The following PES1 variants were observed in gnomAD, a reference collection of about 807,000 sequenced individuals.
PES1 encodes pescadillo ribosomal biogenesis factor 1.
Under a neutral mutation model 77.1 loss-of-function variants are expected in PES1, and 31 were observed. The observed-to-expected ratio is 0.40, with a 90% CI of 0.30 to 0.54. The LOEUF (loss-of-function observed/expected upper bound fraction) is 0.54, where lower values mean the gene tolerates loss of function less well. Ranked by LOEUF, PES1 falls within the 20% of genes least tolerant of loss-of-function variation. PES1 has a pLI of 0.45. For missense variants in PES1, 658 were observed against 771.7 expected (o/e 0.85, Z 1.75); for synonymous variants, 282 against 303.0 (o/e 0.93, Z 0.72).
At chr22:30,592,636 A>G (rs527936967), upstream of PES1, among the ~76,000 whole-genome samples, 18 of 152,266 alleles carry the variant, frequency 1.2e-4, no homozygotes, top group South Asian at 1.9e-3. Flanking sequence ...GTCTCTGCTA[A>G]AAATACAAAA....
chr22:30,579,741 T>C lies in PES1; in HGVS notation c.1354+10A>G, dbSNP rs535526212. ...AGGGGTCAAGGCCAGCCCAGTCCCA[T>C]CCCGCTCACCTGGGTCCTCTCCCCG... On this transcript the variant is annotated intron_variant, in intron 12 of 14. Coordinates refer to ENST00000354694, the MANE Select transcript of PES1 (RefSeq NM_014303.4). 7 of 1,613,128 alleles carry C rather than the reference T, an allele frequency of 4.3e-6. No individual in the cohort carries two copies. The highest frequency in any genetic ancestry group is 1.3e-5 in the African/African-American group (1 of 74,982).
At chr22:30,589,120 A>G (rs2087137460) in intron 2 of PES1, 71 bp downstream of exon 2, 1 of 1,133,882 alleles carries the variant, frequency 8.8e-7, no homozygotes, top group Non-Finnish European at 1.3e-6. Flanking sequence ...AACTCAGGTA[A>G]GACAGGGATG....
chr22:30,578,893 G>T lies in PES1; in HGVS notation c.1627C>A (p.Arg543=). ...KRLAIMMMKK[R]EKYLYQKIMF... is the part of the protein sequence containing the mutation. ...ATCTTCTGGTACAGGTACTTCTCCC[G>T]CTTCTTCATCATCATAATGGCCAGG... The change falls in exon 14 of 15, where the codon CGG becomes AGG. Residue 543 remains arginine, a synonymous_variant. Coordinates refer to ENST00000354694, the MANE Select transcript of PES1 (RefSeq NM_014303.4). 1 of 1,613,062 alleles carries T rather than the reference G, an allele frequency of 6.2e-7. No homozygotes were observed.
chr22:30,591,901 T>G lies in PES1; in HGVS notation c.-68A>C. The G allele has an allele frequency of 2.0e-6, 3 of 1,520,310 alleles. No homozygotes were observed. The highest frequency in any genetic ancestry group is 2.6e-6 in the Non-Finnish European group (3 of 1,136,188). 94.2% of individuals were successfully genotyped at this position (1,520,310 alleles called of 1,614,324 possible). On this transcript the variant is annotated 5_prime_UTR_variant, in exon 1 of 15. Transcript: ENST00000354694. ...GCTCCACTTCCTCCCGCACGTGCCCTGCCAAGGACCCCGAGGACCCTCCCC... is the reference window on the plus strand; with the variant it reads ...GCTCCACTTCCTCCCGCACGTGCCCGGCCAAGGACCCCGAGGACCCTCCCC...
rs1480097050 is a variant in PES1 at position 30,581,275 on chromosome 22, G to A, written c.822+59C>T. On this transcript the variant is annotated intron_variant, in intron 8 of 14. Coordinates refer to ENST00000354694, the MANE Select transcript of PES1 (RefSeq NM_014303.4). ...CACTCTGAACCAGACCCCCAGAGGT[G>A]TTGGGGACAGAGACCACTCCCTTGG... 7 of 1,549,444 alleles carry A rather than the reference G, an allele frequency of 4.5e-6. No individual in the cohort carries two copies. The East Asian group carries it at 1.3e-4, about 30-fold the overall frequency.
rs572878646 is a variant in PES1 at position 30,591,081 on chromosome 22, G to A, written c.24+729C>T. Among the ~76,000 whole-genome samples the A allele has an allele frequency of 2.6e-5, 4 of 152,136 alleles. No homozygotes were observed. The East Asian group carries it at 7.7e-4, about 29-fold the overall frequency. ...GGGCCGATTCTCCATACAGCCACAA[G>A]AACTCCCTGAAAAACTCTAATCGTG... is the stretch of plus-strand genomic sequence containing the variant. On this transcript the variant is annotated intron_variant, in intron 1 of 14. Coordinates refer to ENST00000354694, the MANE Select transcript of PES1 (RefSeq NM_014303.4).
At position 30,587,983 on chromosome 22, in the gene PES1, C is replaced by T. The variant is rs140633245; in HGVS notation, c.258+38G>A. 3.0e-3 allele frequency: 4,765 copies of T among 1,604,698 alleles called. 16 individuals are homozygous for T. The highest frequency in any genetic ancestry group is 7.5e-3 in the Middle Eastern group (35 of 4,662). On this transcript the variant is annotated intron_variant, in intron 3 of 14. Transcript: ENST00000354694. ...AGTTAGTTAGTGGGTCACAGAGCTG[C>T]GATGAGAACCTGACAGACCCTAGAG...
At chr22:30,579,664 T>C (rs112818710) in intron 12 of PES1, 87 bp downstream of exon 12, 19 of 1,328,424 alleles carry the variant, frequency 1.4e-5, no homozygotes, top group African/African-American at 1.0e-4. Context: ...CTACTGCCTG[T>C]TCCCTGGAGC....
At chr22:30,589,388 T>A in intron 1 of PES1, 118 bp from the exon 2 acceptor site, 1 of 832,694 alleles carries the variant, frequency 1.2e-6, no homozygotes, top group Non-Finnish European at 1.9e-6. Flanking sequence ...GAGATGAGTC[T>A]AGGAGAGGAA....
upstream of PES1, among the ~76,000 whole-genome samples, chr22:30,595,506 C>G (rs184967052): frequency 2.2e-3 from 321 of 146,978 alleles, 2 homozygotes; most frequent in South Asian, 4.7e-3. Context: ...CCACTGCACT[C>G]CAGCCTGGGC....
chr22:30,580,885 C>A (rs1413093062), intron 9 of PES1, 127 bp downstream of exon 9: 2 of 1,162,986 alleles, frequency 1.7e-6, no homozygotes, highest in Non-Finnish European at 2.5e-6. Flanking sequence ...CAATTCAGCC[C>A]ATTCTTCTGC....
rs750187668 is a variant in PES1 at position 30,591,844 on chromosome 22, T to C, written c.-11A>G. ...CTCAAGGCCTCCCATCGCTCCACGT[T>C]GAGGAGCCGACTAGGGCCGCGCGTA... On this transcript the variant is annotated 5_prime_UTR_variant, in exon 1 of 15. Transcript: ENST00000354694. The C allele has an allele frequency of 6.4e-7, 1 of 1,555,540 alleles. No individual in the cohort carries two copies.
At position 30,584,461 on chromosome 22, in the gene PES1, G is replaced by A. The variant is rs200817279; in HGVS notation, c.541-7C>T. 6.2e-7 allele frequency: 1 copy of A among 1,611,198 alleles called. No homozygotes were observed. Among genetic ancestry groups the A allele is most frequent in the Non-Finnish European group, 8.5e-7 (1 of 1,178,516 alleles). On this transcript the variant is annotated splice_region_variant and splice_polypyrimidine_tract_variant and intron_variant, in intron 5 of 14. Transcript: ENST00000354694. ...CTTTGATGGACAGGAAGACCTAGGG[G>A]AGAGGAGGAGACATCTGGGTGAAGA...
exon 1 of PES1, chr22:30,606,999 G>A: frequency 4.8e-6 from 3 of 627,296 alleles, no homozygotes; most frequent in Non-Finnish European, 7.1e-6. Flanking sequence ...CCTCTGCGCT[G>A]GTCCCGGGCT....
Position 30,580,643 on chromosome 22 carries a change from T to C in PES1, c.971A>G (p.Lys324Arg), listed in dbSNP as rs367672411. 5.0e-6 allele frequency: 8 copies of C among 1,613,616 alleles called. No individual in the cohort carries two copies. Among genetic ancestry groups the C allele is most frequent in the South Asian group, 4.4e-5 (4 of 91,088 alleles). The change falls in exon 10 of 15, where the codon AAG becomes AGG. Residue 324 changes from lysine to arginine, a missense_variant. Transcript: ENST00000354694. ...GAACTTCAGGCCCTCAAAAAGCTTC[T>C]TGTGCTTCTCCTGCGCCTCCAGCTC... ...RKELEAQEKH[K>R]KLFEGLKFFL...
intron 2 of PES1, among the ~76,000 whole-genome samples, chr22:30,599,493 A>C (rs2087321400): frequency 6.6e-6 from 1 of 152,344 alleles, no homozygotes; most frequent in South Asian, 2.1e-4. Flanking sequence ...CAAAATAAGT[A>C]CGTATTTTAA....
At chr22:30,580,453 CTG>C in intron 10 of PES1, 116 bp downstream of exon 10, 2 of 1,382,508 alleles carry the variant, frequency 1.4e-6, no homozygotes, top group Non-Finnish European at 2.0e-6. Flanking sequence ...TTTCCACACA[CTG>C]TTTCATAAGA....
In PES1 at chr22:30,584,471, G is replaced by A; in HGVS notation, c.541-17C>T. ...CAGGAAGACCTAGGGGAGAGGAGGA[G>A]ACATCTGGGTGAAGACCATGGGGTG... On this transcript the variant is annotated splice_polypyrimidine_tract_variant and intron_variant, in intron 5 of 14. Transcript: ENST00000354694. 2 of 1,608,530 alleles carry A rather than the reference G, an allele frequency of 1.2e-6. No individual in the cohort carries two copies. Among genetic ancestry groups the A allele is most frequent in the Non-Finnish European group, 1.7e-6 (2 of 1,176,288 alleles).
At chr22:30,598,885 ATTTTTTTTTTTTTTTT>A (rs71200084) in intron 2 of PES1, among the ~76,000 whole-genome samples, 3 of 51,190 alleles carry the variant, frequency 5.9e-5, no homozygotes, top group South Asian at 1.9e-3. Context: ...CTTAAGTAAA[ATTTTTTTTTTTTTTTT>A]TTTTTTTTTT....
Sources: gnomAD v4.1 joint callset for allele counts (sites outside exome capture counted in the v4.1 genomes callset) on GRCh38, gnomAD v4.1.1 for gene constraint, MANE v1.5 for transcripts, NCBI Gene and HGNC (gene_info 2026-07-23, HGNC 2026-07-21) for gene names.